The following WTIP variants were observed in gnomAD, a reference collection of about 807,000 sequenced individuals.
WTIP encodes Wilms tumor protein 1-interacting protein.
WTIP carries 23 observed loss-of-function variants against 41.7 expected under a neutral mutation model. The observed-to-expected ratio is 0.55, with a 90% CI of 0.40 to 0.78. The LOEUF (loss-of-function observed/expected upper bound fraction) is 0.78. Among genes scored for constraint, WTIP ranks in the 30% least tolerant of loss-of-function variants. WTIP has a pLI of 0.00. For synonymous variants in WTIP, 314 were observed against 269.9 expected (o/e 1.16, Z -1.60); for missense variants, 619 against 610.5 (o/e 1.01, Z -0.15).
Position 34,500,402 on chromosome 19 carries a change from AC to A in WTIP, c.*138del. The A allele has an allele frequency of 1.6e-6, 2 of 1,237,248 alleles. No individual in the cohort carries two copies. Among genetic ancestry groups the A allele is most frequent in the Non-Finnish European group, 2.1e-6 (2 of 933,992 alleles). The allele number at this position is 1,237,248 out of a possible 1,614,324, so 76.6% of individuals were successfully genotyped here. ...CCGAGCTGCTGTCTGCAGGGGCCGGACCCCCGCGTGGAAGCTTCTATTTATT... is the reference window on the plus strand; with the variant it reads ...CCGAGCTGCTGTCTGCAGGGGCCGGACCCCGCGTGGAAGCTTCTATTTATT... On this transcript the variant is annotated 3_prime_UTR_variant, in exon 8 of 8. Coordinates refer to ENST00000590071, the MANE Select transcript of WTIP (RefSeq NM_001080436.2).
In WTIP at chr19:34,503,380, C is replaced by T. The variant is rs1297473411; in HGVS notation, c.*3111C>T. ...AAGTCAGGCCCCAGTTGTGACACCT[C>T]ACTTGACACCCAGAAGTCTTGGCCT... On this transcript the variant is annotated 3_prime_UTR_variant, in exon 8 of 8. Coordinates refer to ENST00000590071, the MANE Select transcript of WTIP (RefSeq NM_001080436.2). The T allele has an allele frequency of 6.6e-6, 1 of 152,354 alleles. No homozygotes were observed. Among genetic ancestry groups the T allele is most frequent in the Non-Finnish European group, 1.5e-5 (1 of 68,126 alleles). 9.4% of individuals were successfully genotyped at this position (152,354 alleles called of 1,614,324 possible). A position where few individuals can be genotyped will look rare whatever the true frequency, so the allele number is the denominator to read the frequency against.
At chr19:34,494,712 C>T in intron 6 of WTIP, 75 bp downstream of exon 6, 1 of 1,510,236 alleles carries the variant, frequency 6.6e-7, no homozygotes, top group East Asian at 2.3e-5. Flanking sequence ...TGGGTCTAGC[C>T]CAGGTCTTGG....
In WTIP at chr19:34,481,858, C is replaced by T; in HGVS notation, c.-117C>T. On this transcript the variant is annotated 5_prime_UTR_variant, in exon 1 of 8. Coordinates refer to ENST00000590071, the MANE Select transcript of WTIP (RefSeq NM_001080436.2). The stretch of plus-strand genomic sequence containing the variant: ...GCCCGGCGCCGGCCCCGCCCCGCCC[C>T]GCGCCCAGGGGTCCCGGGGCGGGCT... The T allele has an allele frequency of 1.8e-6, 1 of 547,580 alleles. No homozygotes were observed. Among genetic ancestry groups the T allele is most frequent in the Non-Finnish European group, 2.3e-6 (1 of 431,648 alleles). The allele number at this position is 547,580 out of a possible 1,614,324, so 33.9% of individuals were successfully genotyped here.
At chr19:34,490,603 G>A in intron 2 of WTIP, 126 bp downstream of exon 2, 1 of 971,478 alleles carries the variant, frequency 1.0e-6, no homozygotes, top group Non-Finnish European at 1.6e-6. Context: ...AGGCTGGGCT[G>A]TGGAGGACTC....
Position 34,501,873 on chromosome 19 carries a change from C to T in WTIP, c.*1604C>T, listed in dbSNP as rs1014086819. Reference sequence around the variant, plus strand: ...GGGCCACTTCTTGGAGGAGGTGATCCCACTGGGGCCAGAGAGTAAAGTCCA... The same window carrying T: ...GGGCCACTTCTTGGAGGAGGTGATCTCACTGGGGCCAGAGAGTAAAGTCCA... On this transcript the variant is annotated 3_prime_UTR_variant, in exon 8 of 8. Coordinates refer to ENST00000590071, the MANE Select transcript of WTIP (RefSeq NM_001080436.2). The T allele has an allele frequency of 2.0e-5, 3 of 152,636 alleles. No individual in the cohort carries two copies. The highest frequency in any genetic ancestry group is 7.2e-5 in the African/African-American group (3 of 41,456). The allele number at this position is 152,636 out of a possible 1,614,324, so 9.5% of individuals were successfully genotyped here. A position where few individuals can be genotyped will look rare whatever the true frequency, so the allele number is the denominator to read the frequency against.
Position 34,482,394 on chromosome 19 carries a change from C to T in WTIP, c.420C>T (p.Ala140=), listed in dbSNP as rs1389115629. ...PGPGPPSVGS[A]RSSVSSLGSR... ...CCGGGCCGCCTTCGGTGGGCAGCGC[C>T]CGCTCCAGCGTTTCCAGCCTCGGCT... Residue 140 remains alanine, a synonymous_variant, in exon 1 of 8, where the codon GCC becomes GCT. Transcript: ENST00000590071. 10 of 1,367,316 alleles carry T rather than the reference C, an allele frequency of 7.3e-6. No individual in the cohort carries two copies. Among genetic ancestry groups the T allele is most frequent in the Non-Finnish European group, 9.5e-6 (10 of 1,057,754 alleles). The allele number at this position is 1,367,316 out of a possible 1,614,324, so 84.7% of individuals were successfully genotyped here.
Position 34,511,217 on chromosome 19 carries a change from A to G in WTIP, c.*10948A>G, listed in dbSNP as rs1316466884. The G allele has an allele frequency of 6.6e-6, 1 of 152,290 alleles. No individual in the cohort carries two copies. The highest frequency in any genetic ancestry group is 1.5e-5 in the Non-Finnish European group (1 of 68,092). The allele number at this position is 152,290 out of a possible 1,614,324, so 9.4% of individuals were successfully genotyped here. A position where few individuals can be genotyped will look rare whatever the true frequency, so the allele number is the denominator to read the frequency against. On this transcript the variant is annotated 3_prime_UTR_variant, in exon 8 of 8. Transcript: ENST00000590071. ...CACATGGCTGGGAGGCCTCAGAATC[A>G]TGGCCTGAGGCAAAAGTTATGTGGT...
In WTIP at chr19:34,483,917, CTTTTTTTTTT is replaced by C. The variant is rs61308943; in HGVS notation, c.667+1295_667+1304del. On this transcript the variant is annotated intron_variant, in intron 1 of 7. Transcript: ENST00000590071. ...AGCTCACGGCTGCCCTGAACTGGAT[CTTTTTTTTTT>C]TTTTTTTTTTTTTTTTTTGAGACGG... Among the ~76,000 whole-genome samples, 51 of 66,866 alleles carry C rather than the reference CTTTTTTTTTT, an allele frequency of 7.6e-4. 2 individuals carry two copies. The East Asian group carries it at 0.013, about 17-fold the overall frequency. 43.9% of individuals were successfully genotyped at this position (66,866 alleles called of 152,430 possible). A position where few individuals can be genotyped will look rare whatever the true frequency, so the allele number is the denominator to read the frequency against.
chr19:34,489,696 A>T (rs1162916143), intron 1 of WTIP, among the ~76,000 whole-genome samples: 1 of 152,226 alleles, frequency 6.6e-6, no homozygotes, highest in Non-Finnish European at 1.5e-5. Flanking sequence ...TAATTGCAGC[A>T]CTTGGGGAAG....
chr19:34,495,629 G>T lies in WTIP; in HGVS notation c.1084-74G>T. ...CCGCCGGGACAGGAGCGTGGTGTGT[G>T]GGAGTGTACACTCACGCAGTTTGCC... On this transcript the variant is annotated intron_variant, in intron 6 of 7. Transcript: ENST00000590071. 5 of 1,533,218 alleles carry T rather than the reference G, an allele frequency of 3.3e-6. 1 individual carries two copies. The South Asian group carries it at 5.7e-5, about 17-fold the overall frequency. The allele number at this position is 1,533,218 out of a possible 1,614,324, so 95.0% of individuals were successfully genotyped here. A position where few individuals can be genotyped will look rare whatever the true frequency, so the allele number is the denominator to read the frequency against.
intron 1 of WTIP, among the ~76,000 whole-genome samples, chr19:34,485,735 A>G (rs1354798410): frequency 6.6e-6 from 1 of 152,152 alleles, no homozygotes; most frequent in Admixed American, 6.6e-5. Flanking sequence ...CTGAGACCAC[A>G]GGTGTGCATC....
chr19:34,484,902 C>A (rs1302425011), intron 1 of WTIP, among the ~76,000 whole-genome samples: 1 of 146,048 alleles, frequency 6.8e-6, no homozygotes, highest in Middle Eastern at 3.5e-3. Context: ...TGCACTCTGG[C>A]CTGGATGACA....
In WTIP at chr19:34,510,809, G is replaced by C. The variant is rs1421452104; in HGVS notation, c.*10540G>C. On this transcript the variant is annotated 3_prime_UTR_variant, in exon 8 of 8. Transcript: ENST00000590071. ...CAAAGTTCCACAAATCTCTAGGGCA[G>C]GGGCAAAATGCCGCCAATCTCTTTG... 1 of 152,196 alleles carries C rather than the reference G, an allele frequency of 6.6e-6. No homozygotes were observed. The highest frequency in any genetic ancestry group is 1.5e-5 in the Non-Finnish European group (1 of 68,044). The allele number at this position is 152,196 out of a possible 1,614,324, so 9.4% of individuals were successfully genotyped here.
intron 7 of WTIP, among the ~76,000 whole-genome samples, chr19:34,498,049 A>G (rs546324208): frequency 6.6e-6 from 1 of 152,248 alleles, no homozygotes; most frequent in South Asian, 2.1e-4. Context: ...AGCGGTCGGT[A>G]GCAGGGCCCA....
At chr19:34,483,604 G>A (rs2075782210) in intron 1 of WTIP, among the ~76,000 whole-genome samples, 1 of 152,202 alleles carries the variant, frequency 6.6e-6, no homozygotes, top group Non-Finnish European at 1.5e-5. Context: ...ACTGTGCTGT[G>A]GACATAGGAT....
chr19:34,490,756 C>T (rs572764815), intron 2 of WTIP, among the ~76,000 whole-genome samples: 1 of 152,330 alleles, frequency 6.6e-6, no homozygotes, highest in Admixed American at 6.5e-5. Context: ...GGAGCAGCGT[C>T]AGAAGCCCAT....
intron 7 of WTIP, among the ~76,000 whole-genome samples, chr19:34,499,444 G>T (rs149341791): frequency 7.3e-4 from 111 of 152,194 alleles, no homozygotes; most frequent in African/African-American, 2.6e-3. Flanking sequence ...GGAGGTCGAG[G>T]CTGCAGTGAA....
At chr19:34,490,307 C>T (rs564551372) in intron 1 of WTIP, 69 bp from the exon 2 acceptor site, 53 of 1,471,744 alleles carry the variant, frequency 3.6e-5, no homozygotes, top group Non-Finnish European at 4.5e-5. Context: ...GGTGTCAAGA[C>T]GGGGAGTCCG....
In WTIP at chr19:34,495,774, G is replaced by A; in HGVS notation, c.1152+3G>A. On this transcript the variant is annotated splice_donor_region_variant and intron_variant, in intron 7 of 7. Transcript: ENST00000590071. ...ACGTGGCATGTTACCACTGTGAGGT[G>A]AGCCTGGGCCCACAGGAGGCTGGCA... 6.2e-7 allele frequency: 1 copy of A among 1,613,538 alleles called. No homozygotes were observed. Among genetic ancestry groups the A allele is most frequent in the Non-Finnish European group, 8.5e-7 (1 of 1,179,916 alleles).
Sources: gnomAD v4.1 joint callset for allele counts (sites outside exome capture counted in the v4.1 genomes callset) on GRCh38, gnomAD v4.1.1 for gene constraint, MANE v1.5 for transcripts, NCBI Gene and HGNC (gene_info 2026-07-23, HGNC 2026-07-21) for gene names.